The following CLVS1 variants were observed in gnomAD, a reference collection of about 807,000 sequenced individuals.
CLVS1 encodes clavesin 1.
Under a neutral mutation model 33.1 loss-of-function variants are expected in CLVS1, and 10 were observed. The ratio of observed to expected loss-of-function variants is 0.30; its 90% CI spans 0.19 to 0.51. The LOEUF (loss-of-function observed/expected upper bound fraction) is 0.51. Among genes scored for constraint, CLVS1 ranks in the 20% least tolerant of loss-of-function variants. CLVS1 has a pLI of 0.97. For synonymous variants in CLVS1, 163 were observed against 166.1 expected, an observed-to-expected ratio of 0.98 and a Z score of 0.14; for missense variants, 343 against 433.4, an observed-to-expected ratio of 0.79 and a Z score of 1.85.
chr8:61,404,059 C>T (rs1240903632), intron 3 of CLVS1, among the ~76,000 whole-genome samples: 2 of 152,168 alleles, frequency 1.3e-5, no homozygotes, highest in Non-Finnish European at 2.9e-5. Flanking sequence ...TGAGTGTGAG[C>T]AGAACCCTGC....
intron 1 of CLVS1, among the ~76,000 whole-genome samples, chr8:61,080,316 G>A (rs1486368244): frequency 2.0e-5 from 3 of 152,216 alleles, no homozygotes; most frequent in Non-Finnish European, 4.4e-5. Context: ...TAATATTCAT[G>A]AGGTGATACA....
intron 1 of CLVS1, among the ~76,000 whole-genome samples, chr8:61,083,436 G>A (rs904649832): frequency 1.3e-5 from 2 of 152,170 alleles, no homozygotes; most frequent in African/African-American, 4.8e-5. Flanking sequence ...CTGAGGGCCA[G>A]TGTACAAAGG....
intron 1 of CLVS1, among the ~76,000 whole-genome samples, chr8:61,109,211 TC>T (rs1805587625): frequency 6.6e-6 from 1 of 152,102 alleles, no homozygotes; most frequent in Non-Finnish European, 1.5e-5. Flanking sequence ...TGTGTGCACT[TC>T]CTTTTTTTTT....
intron 5 of CLVS1, among the ~76,000 whole-genome samples, chr8:61,496,873 G>C (rs1804285126): frequency 6.6e-6 from 1 of 152,102 alleles, no homozygotes; most frequent in Non-Finnish European, 1.5e-5. Flanking sequence ...ACTGTGGGTT[G>C]GTAATAAACC....
intron 2 of CLVS1, among the ~76,000 whole-genome samples, chr8:61,147,821 C>T (rs1806449681): frequency 6.6e-6 from 1 of 152,154 alleles, no homozygotes; most frequent in Non-Finnish European, 1.5e-5. Context: ...TCTGGCCAAA[C>T]TGGGTTGTAT....
intron 3 of CLVS1, among the ~76,000 whole-genome samples, chr8:61,399,479 T>C (rs1585915819): frequency 6.6e-6 from 1 of 152,328 alleles, no homozygotes; most frequent in Middle Eastern, 3.4e-3. Flanking sequence ...TTTTATCCCA[T>C]TCTGCAGGTT....
chr8:61,496,075 G>A (rs924034639), intron 5 of CLVS1, among the ~76,000 whole-genome samples: 2 of 152,158 alleles, frequency 1.3e-5, no homozygotes, highest in Non-Finnish European at 2.9e-5. Context: ...TGACTGTTTA[G>A]GGGCATGGAG....
At chr8:61,307,806 C>T (rs1810684499) in intron 2 of CLVS1, among the ~76,000 whole-genome samples, 2 of 151,924 alleles carry the variant, frequency 1.3e-5, no homozygotes, top group African/African-American at 4.8e-5. Flanking sequence ...TACATTGCAC[C>T]CAATAGGTAA....
At chr8:61,090,873 G>T (rs778623439) in intron 1 of CLVS1, 1 of 518,856 alleles carries the variant, frequency 1.9e-6, no homozygotes, top group South Asian at 1.4e-5. Flanking sequence ...AGAAGACTGA[G>T]ATTTTGGACT....
intron 2 of CLVS1, among the ~76,000 whole-genome samples, chr8:61,138,837 C>T (rs1806244905): frequency 1.3e-5 from 2 of 152,258 alleles, no homozygotes; most frequent in South Asian, 4.1e-4. Context: ...AGCTGGAAAT[C>T]TTGCATTCAC....
At chr8:61,016,685 C>T in the CLVS1 span, among the ~76,000 whole-genome samples, 2 of 152,114 alleles carry the variant, frequency 1.3e-5, no homozygotes, top group Non-Finnish European at 2.9e-5. Flanking sequence ...GTGGAAGCTG[C>T]GTAAATGTGT....
intron 2 of CLVS1, among the ~76,000 whole-genome samples, chr8:61,271,692 G>T (rs1279627550): frequency 1.1e-5 from 1 of 92,282 alleles, no homozygotes; most frequent in African/African-American, 6.9e-5. Flanking sequence ...TATGAATCTG[G>T]GTGCTCCTGT....
intron 3 of CLVS1, among the ~76,000 whole-genome samples, chr8:61,416,054 T>C (rs1815417861): frequency 6.6e-6 from 1 of 152,086 alleles, no homozygotes; most frequent in South Asian, 2.1e-4. Context: ...CAGACAACAC[T>C]TGGACTAGAG....
At chr8:61,193,897 G>T (rs1190664505) in intron 2 of CLVS1, among the ~76,000 whole-genome samples, 1 of 151,978 alleles carries the variant, frequency 6.6e-6, no homozygotes, top group Non-Finnish European at 1.5e-5. Context: ...GGATTAAAAC[G>T]ATAAAACACG....
At chr8:61,178,126 G>A (rs1304090800) in intron 2 of CLVS1, among the ~76,000 whole-genome samples, 4 of 152,070 alleles carry the variant, frequency 2.6e-5, no homozygotes, top group Non-Finnish European at 5.9e-5. Context: ...CTGCTAACTA[G>A]AATAATCAGT....
At chr8:61,227,725 T>C (rs1808359533) in intron 2 of CLVS1, among the ~76,000 whole-genome samples, 1 of 152,212 alleles carries the variant, frequency 6.6e-6, no homozygotes, top group Non-Finnish European at 1.5e-5. Flanking sequence ...GAGTGTCATT[T>C]GGAGATACTT....
At chr8:61,468,716 T>TAAA (rs5891803) in intron 5 of CLVS1, among the ~76,000 whole-genome samples, 5 of 92,464 alleles carry the variant, frequency 5.4e-5, no homozygotes, top group Admixed American at 1.2e-4. Context: ...GTAAAAGTAC[T>TAAA]AAAAAAAAAA....
At chr8:61,259,239 G>T (rs1159237683) in intron 2 of CLVS1, among the ~76,000 whole-genome samples, 1 of 152,150 alleles carries the variant, frequency 6.6e-6, no homozygotes. Flanking sequence ...CCTGGGTGGG[G>T]TTTCCATTTG....
the CLVS1 span, among the ~76,000 whole-genome samples, chr8:61,031,564 T>C: frequency 1.3e-5 from 2 of 152,386 alleles, no homozygotes; most frequent in African/African-American, 4.8e-5. Context: ...AAGAAAAGCA[T>C]CGTTTTATTC....
Sources: allele counts gnomAD v4.1 joint callset (sites outside exome capture counted in the v4.1 genomes callset), GRCh38; gene constraint gnomAD v4.1.1; transcripts MANE v1.5; gene names NCBI Gene and HGNC (gene_info 2026-07-23, HGNC 2026-07-21).